Variants in MICAL2 observed in about 807,000 individuals in gnomAD.
MICAL2 encodes the protein [F-actin]-monooxygenase MICAL2.
In MICAL2, 77 loss-of-function variants were observed where a neutral mutation model predicts 127.3. The ratio of observed to expected loss-of-function variants is 0.60; its 90% CI spans 0.50 to 0.73. MICAL2 has a LOEUF of 0.73. MICAL2 is among the 30% of genes least tolerant of loss of function. The probability of loss-of-function intolerance (pLI) is 0.00; values close to 1 mark genes in which losing one functional copy is unlikely to be tolerated. For synonymous variants in MICAL2, 570 were observed against 551.1 expected (o/e 1.03, Z -0.48); for missense variants, 1,351 against 1,434.4 (o/e 0.94, Z 0.94).
chr11:12,145,439 G>A (rs1485960), intron 2 of MICAL2, among the ~76,000 whole-genome samples: 72,464 of 151,948 alleles, frequency 0.48, 17,908 homozygotes, highest in South Asian at 0.68. Flanking sequence ...CATCAATAGC[G>A]ACAATGATCT....
chr11:12,302,156 G>T (rs1041247855), intron 29 of MICAL2, among the ~76,000 whole-genome samples: 3 of 152,142 alleles, frequency 2.0e-5, no homozygotes, highest in Admixed American at 1.3e-4. Context: ...GAAAAGGGAT[G>T]GACAAAATCA....
chr11:12,221,986 G>A (rs905379706), intron 10 of MICAL2, among the ~76,000 whole-genome samples: 1 of 152,208 alleles, frequency 6.6e-6, no homozygotes, highest in African/African-American at 2.4e-5. Context: ...TTGGGCCCTG[G>A]ATGACAAAGA....
At chr11:12,221,527 C>G (rs913782586) in intron 9 of MICAL2, 117 bp from the exon 10 acceptor site, 1 of 648,978 alleles carries the variant, frequency 1.5e-6, no homozygotes, top group Non-Finnish European at 2.7e-6. Flanking sequence ...GCCCTGTCAC[C>G]TCTCTGTCCC....
At chr11:12,174,510 A>C (rs2133900119) in intron 3 of MICAL2, among the ~76,000 whole-genome samples, 1 of 152,244 alleles carries the variant, frequency 6.6e-6, no homozygotes, top group African/African-American at 2.4e-5. Context: ...CATATGCCAG[A>C]ATTTCCTTCT....
At chr11:12,209,457 C>G (rs939439655) in intron 5 of MICAL2, 40 bp from the exon 6 acceptor site, 1 of 1,507,970 alleles carries the variant, frequency 6.6e-7, no homozygotes, top group African/African-American at 1.4e-5. Flanking sequence ...TCTCTTCCCA[C>G]CTCTCTCTGC....
chr11:12,248,951 A>G (rs568451285), intron 21 of MICAL2, among the ~76,000 whole-genome samples: 7 of 152,294 alleles, frequency 4.6e-5, no homozygotes, highest in East Asian at 1.9e-4. Flanking sequence ...CAGAGCACCA[A>G]TTACTCACTG....
chr11:12,206,409 G>C (rs539455365), intron 4 of MICAL2, among the ~76,000 whole-genome samples: 85 of 152,318 alleles, frequency 5.6e-4, no homozygotes, highest in African/African-American at 2.0e-3. Context: ...GTCAAGGGTA[G>C]CTCCAGTACT....
intron 2 of MICAL2, among the ~76,000 whole-genome samples, chr11:12,152,452 A>G (rs529948398): frequency 2.0e-5 from 3 of 152,050 alleles, no homozygotes; most frequent in Non-Finnish European, 4.4e-5. Context: ...TATTTAGGGC[A>G]CCACCCACTC....
chr11:12,258,523 G>A lies in MICAL2; in HGVS notation c.3198G>A (p.Arg1066=). The A allele has an allele frequency of 6.2e-7, 1 of 1,614,126 alleles. No homozygotes were observed. The highest frequency in any genetic ancestry group is 2.2e-5 in the East Asian group (1 of 44,894). ...ACTGTAAAACCAATAGCAAACAACG[G>A]AAGAGACGGGCAGAGTTGAAGCAAC... ...FIHCKTNSKQ[R]KRRAELKQQR... The change falls in exon 25 of 28, where the codon CGG becomes CGA. Residue 1066 remains arginine, a synonymous_variant. Coordinates refer to ENST00000683283, the MANE Select transcript of MICAL2 (RefSeq NM_001282663.2).
At chr11:12,353,573 T>C (rs1467881740) in intron 33 of MICAL2, among the ~76,000 whole-genome samples, 3 of 152,174 alleles carry the variant, frequency 2.0e-5, no homozygotes, top group African/African-American at 7.2e-5. Flanking sequence ...AGAGTGGCAT[T>C]TGGGAGCCTC....
chr11:12,294,181 G>A (rs200196561), downstream of MICAL2: 1 of 1,613,936 alleles, frequency 6.2e-7, no homozygotes. Flanking sequence ...AGGAGAAGAT[G>A]GGGACCCCTG....
chr11:12,137,788 A>G (rs1028372212), intron 1 of MICAL2, among the ~76,000 whole-genome samples: 1 of 152,196 alleles, frequency 6.6e-6, no homozygotes, highest in African/African-American at 2.4e-5. Context: ...CATTAGAAAT[A>G]TTTTGTAACT....
intron 1 of MICAL2, among the ~76,000 whole-genome samples, chr11:12,112,332 C>A (rs940523545): frequency 3.3e-5 from 5 of 152,172 alleles, no homozygotes; most frequent in African/African-American, 1.2e-4. Flanking sequence ...AGTTGTTCAA[C>A]CTGCAAACCC....
At chr11:12,333,195 A>T (rs1938680262) in intron 32 of MICAL2, among the ~76,000 whole-genome samples, 1 of 152,230 alleles carries the variant, frequency 6.6e-6, no homozygotes, top group African/African-American at 2.4e-5. Context: ...AAGATAAAAG[A>T]ATATAACAAA....
rs1375738168 is a variant in MICAL2 at position 12,195,606 on chromosome 11, G to A, written c.265-8644G>A. Among the ~76,000 whole-genome samples, 28 of 151,108 alleles carry A rather than the reference G, an allele frequency of 1.9e-4. 1 individual carries two copies. The highest frequency in any genetic ancestry group is 1.8e-3 in the Admixed American group (28 of 15,196). ...ACAATGGGAAAATATAAAAGTAGAT[G>A]CTGGAAATATTTACAAATGTTTAAA... On this transcript the variant is annotated intron_variant, in intron 3 of 27. Coordinates refer to ENST00000683283, the MANE Select transcript of MICAL2 (RefSeq NM_001282663.2).
chr11:12,256,171 G>A (rs540335631), intron 23 of MICAL2: 55 of 165,650 alleles, frequency 3.3e-4, no homozygotes, highest in South Asian at 2.2e-3. Context: ...TGGGCTGCTC[G>A]CTGCCATCAC....
rs775720152 is a variant in MICAL2 at position 12,216,347 on chromosome 11, G to A, written c.948+28G>A. 14 of 1,554,972 alleles carry A rather than the reference G, an allele frequency of 9.0e-6. No individual in the cohort carries two copies. In the African/African-American group the frequency reaches 9.5e-5, roughly 11 times the overall value. On this transcript the variant is annotated intron_variant, in intron 8 of 27. Transcript: ENST00000683283. ...ACGTACCTCTTGGCTGCGATTTCCC[G>A]ACTTCGCGACCTGGGCTGGTGACAT...
intron 3 of MICAL2, among the ~76,000 whole-genome samples, chr11:12,180,745 T>C (rs981069092): frequency 4.4e-5 from 6 of 137,218 alleles, no homozygotes; most frequent in African/African-American, 1.6e-4. Context: ...AATGTGACAG[T>C]GTTCAAAACC....
chr11:12,267,403 G>A (rs1590714819), downstream of MICAL2, among the ~76,000 whole-genome samples: 1 of 152,128 alleles, frequency 6.6e-6, no homozygotes, highest in East Asian at 1.9e-4. Flanking sequence ...AGGCCCTGGA[G>A]TCATTCTTGA....
Sources: allele counts gnomAD v4.1 joint callset (sites outside exome capture counted in the v4.1 genomes callset), GRCh38; gene constraint gnomAD v4.1.1; transcripts MANE v1.5; gene names NCBI Gene and HGNC (gene_info 2026-07-23, HGNC 2026-07-21).